ROBO2: variants seen among roughly 807,000 people sequenced by gnomAD.
ROBO2 encodes roundabout homolog 2.
Under a neutral mutation model 160.8 loss-of-function variants are expected in ROBO2, and 53 were observed. The ratio of observed to expected loss-of-function variants is 0.33; its 90% CI spans 0.26 to 0.41. The LOEUF (loss-of-function observed/expected upper bound fraction) is 0.41, where lower values mean the gene tolerates loss of function less well. Among genes scored for constraint, ROBO2 ranks in the 10% least tolerant of loss-of-function variants. The probability of loss-of-function intolerance (pLI) is 1.00; values close to 1 mark genes in which losing one functional copy is unlikely to be tolerated. For synonymous variants in ROBO2, 664 were observed against 611.7 expected (o/e 1.09, Z -1.26); for missense variants, 1,577 against 1,722.4 (o/e 0.92, Z 1.49).
intron 2 of ROBO2, among the ~76,000 whole-genome samples, chr3:76,741,427 A>G (rs774719926): frequency 5.9e-5 from 9 of 151,994 alleles, no homozygotes; most frequent in Non-Finnish European, 8.8e-5. Context: ...TAAACCCTAA[A>G]AGTCTTTTAA....
At position 77,222,786 on chromosome 3, in the gene ROBO2, A is replaced by G. The variant is rs571145425; in HGVS notation, c.388+124446A>G. Among the ~76,000 whole-genome samples the G allele has an allele frequency of 2.7e-4, 41 of 152,194 alleles. 1 individual carries two copies. Among genetic ancestry groups the G allele is most frequent in the Admixed American group, 1.5e-3 (23 of 15,276 alleles). On this transcript the variant is annotated intron_variant, in intron 2 of 25. Transcript: ENST00000461745. ...TGTCCATTTGCTTCATTTGATATGC[A>G]CATTTGTTCTATGGGAAAATGTGGT...
At chr3:77,603,510 T>C (rs1020386899) in intron 20 of ROBO2, among the ~76,000 whole-genome samples, 1 of 152,196 alleles carries the variant, frequency 6.6e-6, no homozygotes, top group Non-Finnish European at 1.5e-5. Context: ...TTTTTATCTA[T>C]TGAATGATAT....
intron 2 of ROBO2, among the ~76,000 whole-genome samples, chr3:76,797,198 CA>C (rs978366257): frequency 6.6e-6 from 1 of 151,852 alleles, no homozygotes; most frequent in Non-Finnish European, 1.5e-5. Context: ...TACATTAGGC[CA>C]AAAAATAAGT....
At chr3:76,421,993 CCA>C (rs1443028340) in intron 2 of ROBO2, among the ~76,000 whole-genome samples, 1 of 152,024 alleles carries the variant, frequency 6.6e-6, no homozygotes, top group Non-Finnish European at 1.5e-5. Flanking sequence ...TATTGAGTAC[CCA>C]GTAATATTGA....
At chr3:76,870,838 A>T (rs2071961844) in intron 2 of ROBO2, among the ~76,000 whole-genome samples, 1 of 152,190 alleles carries the variant, frequency 6.6e-6, no homozygotes, top group African/African-American at 2.4e-5. Context: ...GCTTCATTGC[A>T]TACCCACGTT....
intron 2 of ROBO2, among the ~76,000 whole-genome samples, chr3:77,401,719 C>A (rs1366189142): frequency 6.6e-6 from 1 of 152,088 alleles, no homozygotes; most frequent in Non-Finnish European, 1.5e-5. Context: ...TGTCAGGCAG[C>A]CATCAGGCGA....
At chr3:76,848,091 A>T (rs2068949889) in intron 2 of ROBO2, among the ~76,000 whole-genome samples, 1 of 152,146 alleles carries the variant, frequency 6.6e-6, no homozygotes, top group Non-Finnish European at 1.5e-5. Context: ...GTGTAGAAAA[A>T]AACACCTCAT....
chr3:77,540,024 C>T (rs981657457), intron 6 of ROBO2, among the ~76,000 whole-genome samples: 6 of 152,166 alleles, frequency 3.9e-5, no homozygotes, highest in Admixed American at 3.3e-4. Flanking sequence ...AATCTTAGAT[C>T]AGCTGATGGA....
chr3:77,484,698 T>C (rs956991108), intron 4 of ROBO2, among the ~76,000 whole-genome samples: 6 of 152,056 alleles, frequency 3.9e-5, no homozygotes, highest in African/African-American at 1.2e-4. Context: ...GGCCCACTTA[T>C]AGCTCCTTCC....
intron 2 of ROBO2, among the ~76,000 whole-genome samples, chr3:77,414,272 T>C (rs1479051745): frequency 6.6e-6 from 1 of 152,188 alleles, no homozygotes; most frequent in African/African-American, 2.4e-5. Context: ...GTGGAGATTA[T>C]GGGCCACCTT....
At chr3:76,965,866 A>C (rs1361941855) in intron 2 of ROBO2, among the ~76,000 whole-genome samples, 1 of 146,098 alleles carries the variant, frequency 6.8e-6, no homozygotes, top group Non-Finnish European at 1.5e-5. Context: ...ACCCATATCT[A>C]TAAGTTTTCC....
chr3:77,453,094 A>G lies in ROBO2; in HGVS notation c.389-24320A>G, dbSNP rs34740308. On this transcript the variant is annotated intron_variant, in intron 2 of 25. Transcript: ENST00000461745. ...AAGTCTACTCAACATTGCCATTTAA[A>G]AATCTTACCAACATCTTATTCTATT... Among the ~76,000 whole-genome samples the G allele has an allele frequency of 4.1e-3, 628 of 152,294 alleles. 2 individuals are homozygous for G. The highest frequency in any genetic ancestry group is 0.02 in the Middle Eastern group (6 of 294).
intron 2 of ROBO2, among the ~76,000 whole-genome samples, chr3:77,139,082 T>C (rs1174714752): frequency 6.6e-6 from 1 of 152,140 alleles, no homozygotes; most frequent in Non-Finnish European, 1.5e-5. Flanking sequence ...TTCTAATCAC[T>C]GAATCTATAG....
chr3:77,274,124 A>G (rs1387775744), intron 2 of ROBO2, among the ~76,000 whole-genome samples: 2 of 152,168 alleles, frequency 1.3e-5, no homozygotes, highest in African/African-American at 4.8e-5. Context: ...GAGTCAATTG[A>G]AGTATAAATT....
chr3:77,601,754 A>G (rs1327576050), intron 19 of ROBO2, among the ~76,000 whole-genome samples: 1 of 152,228 alleles, frequency 6.6e-6, no homozygotes, highest in African/African-American at 2.4e-5. Context: ...CATAGTCGGT[A>G]TAGTATAATT....
chr3:76,272,005 C>T (rs1227312911), intron 2 of ROBO2, among the ~76,000 whole-genome samples: 2 of 152,036 alleles, frequency 1.3e-5, no homozygotes, highest in Non-Finnish European at 1.5e-5. Flanking sequence ...TTAGAATGTG[C>T]TTCATACATC....
At chr3:75,987,394 A>G (rs1348843512) in intron 2 of ROBO2, among the ~76,000 whole-genome samples, 1 of 151,872 alleles carries the variant, frequency 6.6e-6, no homozygotes, top group Non-Finnish European at 1.5e-5. Context: ...TTGCTTTTGT[A>G]TCCTACTGCT....
chr3:76,306,013 A>G (rs1559738696), intron 2 of ROBO2, among the ~76,000 whole-genome samples: 1 of 152,228 alleles, frequency 6.6e-6, no homozygotes, highest in South Asian at 2.1e-4. Context: ...GGCTCTACCC[A>G]CAAGACATGT....
intron 2 of ROBO2, among the ~76,000 whole-genome samples, chr3:76,804,068 T>C (rs1049679750): frequency 4.6e-5 from 7 of 152,188 alleles, no homozygotes; most frequent in African/African-American, 1.7e-4. Context: ...CAGCAGATAT[T>C]TACTGAGTTC....
Sources: gnomAD v4.1 joint callset for allele counts (sites outside exome capture counted in the v4.1 genomes callset) on GRCh38, gnomAD v4.1.1 for gene constraint, MANE v1.5 for transcripts, NCBI Gene and HGNC (gene_info 2026-07-23, HGNC 2026-07-21) for gene names.